Variants in SCAPER observed in about 807,000 individuals in gnomAD.
The protein encoded by SCAPER is S-phase cyclin A associated protein in the ER.
A neutral mutation model predicts 182.2 loss-of-function variants in SCAPER; 98 were observed. That is an observed-to-expected ratio of 0.54 (90% CI 0.46 to 0.64). SCAPER has a LOEUF of 0.64. Among genes scored for constraint, SCAPER ranks in the 30% least tolerant of loss-of-function variants. The probability of loss-of-function intolerance (pLI) is 0.00; values close to 1 mark genes in which losing one functional copy is unlikely to be tolerated. For synonymous variants in SCAPER, 605 were observed against 564.6 expected (o/e 1.07, Z -1.01); for missense variants, 1,432 against 1,690.0 (o/e 0.85, Z 2.68).
chr15:76,702,322 A>G (rs924994324), intron 19 of SCAPER, among the ~76,000 whole-genome samples: 1 of 152,154 alleles, frequency 6.6e-6, no homozygotes, highest in Non-Finnish European at 1.5e-5. Context: ...TAAGCAGGTA[A>G]TCATCCATTT....
intron 5 of SCAPER, among the ~76,000 whole-genome samples, chr15:76,812,703 AG>A (rs2066730312): frequency 6.6e-6 from 1 of 152,132 alleles, no homozygotes; most frequent in African/African-American, 2.4e-5. Context: ...CTAAGGAAAC[AG>A]TATGTTCCTA....
At chr15:76,473,659 ACC>A (rs2050381253) in intron 24 of SCAPER, among the ~76,000 whole-genome samples, 1 of 152,142 alleles carries the variant, frequency 6.6e-6, no homozygotes, top group African/African-American at 2.4e-5. Context: ...TCTAACCCAG[ACC>A]TAGTAAACAG....
intron 21 of SCAPER, among the ~76,000 whole-genome samples, chr15:76,657,963 T>C (rs2055812443): frequency 6.6e-6 from 1 of 152,114 alleles, no homozygotes; most frequent in Non-Finnish European, 1.5e-5. Flanking sequence ...AATATCATAC[T>C]GAACAGGCAA....
chr15:76,581,892 A>C (rs1254474967), intron 22 of SCAPER, among the ~76,000 whole-genome samples: 1 of 152,254 alleles, frequency 6.6e-6, no homozygotes, highest in East Asian at 1.9e-4. Context: ...GGCCTGAAAA[A>C]GCATTTGATA....
At chr15:76,837,806 C>T (rs1401165301) in intron 5 of SCAPER, among the ~76,000 whole-genome samples, 1 of 152,158 alleles carries the variant, frequency 6.6e-6, no homozygotes, top group African/African-American at 2.4e-5. Context: ...TGAAAAAATG[C>T]TCAACATCAC....
chr15:76,381,830 G>A (rs1351906919), intron 27 of SCAPER, among the ~76,000 whole-genome samples: 1 of 152,186 alleles, frequency 6.6e-6, no homozygotes, highest in Non-Finnish European at 1.5e-5. Context: ...CTGCAGCAGT[G>A]TCAACTGAGC....
chr15:76,754,828 C>G (rs998630506), intron 14 of SCAPER, among the ~76,000 whole-genome samples: 2 of 152,074 alleles, frequency 1.3e-5, no homozygotes, highest in African/African-American at 4.8e-5. Flanking sequence ...TTGTGTAACA[C>G]TAGAAACAAC....
At chr15:76,784,902 T>G (rs1018166998) in intron 8 of SCAPER, among the ~76,000 whole-genome samples, 1 of 152,190 alleles carries the variant, frequency 6.6e-6, no homozygotes, top group East Asian at 1.9e-4. Flanking sequence ...AAGACTTAAA[T>G]GTTAGACCTA....
intron 24 of SCAPER, among the ~76,000 whole-genome samples, chr15:76,504,458 T>C (rs2041409292): frequency 6.6e-6 from 1 of 152,176 alleles, no homozygotes; most frequent in African/African-American, 2.4e-5. Flanking sequence ...TCCTGTATGG[T>C]AGGAACTTCT....
intron 11 of SCAPER, 41 bp from the exon 12 acceptor site, chr15:76,765,679 C>T (rs1253750425): frequency 6.9e-7 from 1 of 1,445,918 alleles, no homozygotes; most frequent in South Asian, 1.2e-5. Flanking sequence ...AATCTTTGAA[C>T]ACAATTACAA....
chr15:76,649,613 C>T (rs1270044527), intron 21 of SCAPER, among the ~76,000 whole-genome samples: 5 of 144,802 alleles, frequency 3.5e-5, no homozygotes, highest in African/African-American at 5.1e-5. Flanking sequence ...ATATATACAG[C>T]AGAAAAGAAA....
intron 17 of SCAPER, among the ~76,000 whole-genome samples, chr15:76,713,539 A>G (rs926396421): frequency 2.6e-5 from 4 of 152,210 alleles, no homozygotes; most frequent in East Asian, 1.9e-4. Flanking sequence ...ACAAAAAACC[A>G]AACACCGCAT....
chr15:76,558,365 A>G (rs1196593688), intron 23 of SCAPER, among the ~76,000 whole-genome samples: 2 of 152,222 alleles, frequency 1.3e-5, no homozygotes, highest in Non-Finnish European at 2.9e-5. Context: ...GATAACATAT[A>G]TGTGGACAAC....
At chr15:76,806,769 A>C (rs1224632228) in intron 5 of SCAPER, among the ~76,000 whole-genome samples, 1 of 152,178 alleles carries the variant, frequency 6.6e-6, no homozygotes, top group African/African-American at 2.4e-5. Flanking sequence ...GTTTGTGTGT[A>C]CATCTTACAC....
intron 23 of SCAPER, among the ~76,000 whole-genome samples, chr15:76,571,677 C>T (rs2047444170): frequency 2.0e-5 from 3 of 152,138 alleles, no homozygotes; most frequent in Non-Finnish European, 4.4e-5. Flanking sequence ...CTCACCATTC[C>T]TCCATCAGTG....
At position 76,585,265 on chromosome 15, in the gene SCAPER, G is replaced by A. The variant is rs868332847; in HGVS notation, c.2712-10981C>T. Among the ~76,000 whole-genome samples the A allele has an allele frequency of 1.8e-4, 28 of 151,934 alleles. No homozygotes were observed. In the Middle Eastern group the frequency reaches 0.027, roughly 148 times the overall value. ...TAAAGTAGACATTCAATAAATGGTCGACTATTATTACTGTTCACTGATAGT... is the reference window on the plus strand; with the variant it reads ...TAAAGTAGACATTCAATAAATGGTCAACTATTATTACTGTTCACTGATAGT... On this transcript the variant is annotated intron_variant, in intron 22 of 31. Coordinates refer to ENST00000563290, the MANE Select transcript of SCAPER (RefSeq NM_020843.4).
At chr15:76,652,371 CATATAT>C (rs56164668) in intron 21 of SCAPER, among the ~76,000 whole-genome samples, 110 of 8,034 alleles carry the variant, frequency 0.014, 2 homozygotes, top group African/African-American at 0.052. Context: ...CACACACACA[CATATAT>C]ATATATATAT....
At chr15:76,684,978 A>G (rs2057943933) in intron 20 of SCAPER, among the ~76,000 whole-genome samples, 1 of 148,704 alleles carries the variant, frequency 6.7e-6, no homozygotes, top group South Asian at 2.1e-4. Flanking sequence ...ATCAACTCAT[A>G]AATTTATATG....
At chr15:76,599,518 C>T (rs2049761603) in intron 22 of SCAPER, among the ~76,000 whole-genome samples, 1 of 121,940 alleles carries the variant, frequency 8.2e-6, no homozygotes. Flanking sequence ...ATCAAGGCTA[C>T]ATTTACTCAT....
Sources: allele counts gnomAD v4.1 joint callset (sites outside exome capture counted in the v4.1 genomes callset), GRCh38; gene constraint gnomAD v4.1.1; transcripts MANE v1.5; gene names NCBI Gene and HGNC (gene_info 2026-07-23, HGNC 2026-07-21).